Variants in GRM8 observed in about 807,000 individuals in gnomAD.
The protein encoded by GRM8 is glutamate metabotropic receptor 8.
In GRM8, 47 loss-of-function variants were observed where a neutral mutation model predicts 87.2. That is an observed-to-expected ratio of 0.54 (90% confidence interval 0.43 to 0.69). The LOEUF (loss-of-function observed/expected upper bound fraction) is 0.69. GRM8 is among the 30% of genes least tolerant of loss of function. The pLI, the probability that GRM8 is intolerant of heterozygous loss-of-function variation, is 0.00. For missense variants in GRM8, 1,019 were observed against 1,139.2 expected (o/e 0.89, Z 1.52); for synonymous variants, 396 against 404.5 (o/e 0.98, Z 0.25).
chr7:126,990,294 C>T (rs1812523226), intron 3 of GRM8, among the ~76,000 whole-genome samples: 1 of 151,182 alleles, frequency 6.6e-6, no homozygotes, highest in African/African-American at 2.4e-5. Context: ...ACAAGCAAAA[C>T]CCACCAGAGG....
At chr7:126,667,524 T>C (rs2151296659) in intron 7 of GRM8, among the ~76,000 whole-genome samples, 1 of 152,272 alleles carries the variant, frequency 6.6e-6, no homozygotes, top group Admixed American at 6.5e-5. Flanking sequence ...AAACCACAAC[T>C]TCCTAAAGCT....
intron 6 of GRM8, among the ~76,000 whole-genome samples, chr7:126,831,117 G>C (rs1172919022): frequency 1.3e-5 from 2 of 152,280 alleles, no homozygotes; most frequent in Admixed American, 6.5e-5. Flanking sequence ...GCCCCTACTG[G>C]GGGGTGCCTC....
chr7:127,036,518 A>G (rs916673810), intron 3 of GRM8, among the ~76,000 whole-genome samples: 10 of 152,178 alleles, frequency 6.6e-5, no homozygotes, highest in African/African-American at 2.4e-4. Flanking sequence ...TATTGCCCAA[A>G]TACTCAAAAC....
intron 9 of GRM8, among the ~76,000 whole-genome samples, chr7:126,519,874 A>G (rs949166825): frequency 7.2e-5 from 11 of 152,132 alleles, no homozygotes; most frequent in Non-Finnish European, 1.6e-4. Context: ...AGTGAGAAGG[A>G]AAAAAATAGA....
At chr7:126,900,623 C>T (rs1268033029) in intron 6 of GRM8, among the ~76,000 whole-genome samples, 1 of 151,574 alleles carries the variant, frequency 6.6e-6, no homozygotes, top group Non-Finnish European at 1.5e-5. Context: ...AATTCTCCTG[C>T]CTCAGCCTCC....
chr7:127,220,556 C>T (rs1796854611), intron 2 of GRM8, among the ~76,000 whole-genome samples: 1 of 152,104 alleles, frequency 6.6e-6, no homozygotes, highest in Admixed American at 6.5e-5. Flanking sequence ...GCAATCATGG[C>T]TCACTATAGC....
At chr7:126,477,603 GAAAGAAAGAA>G (rs1273976959) in intron 9 of GRM8, among the ~76,000 whole-genome samples, 24 of 108,990 alleles carry the variant, frequency 2.2e-4, no homozygotes, top group African/African-American at 8.8e-4. Context: ...AAGAAAGAAA[GAAAGAAAGAA>G]AGAAAGAAAG....
At chr7:126,588,267 T>C (rs772793544) in intron 8 of GRM8, among the ~76,000 whole-genome samples, 2 of 152,112 alleles carry the variant, frequency 1.3e-5, no homozygotes, top group Admixed American at 1.3e-4. Flanking sequence ...CAGTAAGAGT[T>C]TGGTTCTAGT....
At position 126,785,988 on chromosome 7, in the gene GRM8, T is replaced by C. The variant is rs1340556775; in HGVS notation, c.1157-15923A>G. ...ACATACTCCACCACATTTTGACTTTTAATTTTACCAGTCTTTTGAGGTTTT... is the reference window on the plus strand; with the variant it reads ...ACATACTCCACCACATTTTGACTTTCAATTTTACCAGTCTTTTGAGGTTTT... On this transcript the variant is annotated intron_variant, in intron 6 of 10. Coordinates refer to ENST00000339582, the MANE Select transcript of GRM8 (RefSeq NM_000845.3). 3.3e-5 allele frequency among the ~76,000 whole-genome samples: 5 copies of C among 152,296 alleles called. No individual in the cohort carries two copies. The East Asian group carries it at 9.6e-4, about 29-fold the overall frequency.
chr7:126,903,625 ATG>A (rs1563300251), intron 5 of GRM8, among the ~76,000 whole-genome samples: 7 of 138,674 alleles, frequency 5.0e-5, no homozygotes, highest in African/African-American at 1.0e-4. Context: ...ACATATATAT[ATG>A]TATATGTGTA....
At chr7:127,083,977 A>C (rs1166385575) in intron 3 of GRM8, among the ~76,000 whole-genome samples, 1 of 152,196 alleles carries the variant, frequency 6.6e-6, no homozygotes, top group African/African-American at 2.4e-5. Flanking sequence ...ACCCGGAAAT[A>C]TGAGAACAAG....
chr7:126,806,739 A>G (rs545315007), intron 6 of GRM8, among the ~76,000 whole-genome samples: 1,716 of 152,352 alleles, frequency 0.011, 35 homozygotes, highest in African/African-American at 0.039. Context: ...CCACTCTGGC[A>G]GCCCAGAGGG....
At chr7:127,192,916 C>T (rs1253584439) in intron 2 of GRM8, among the ~76,000 whole-genome samples, 2 of 152,220 alleles carry the variant, frequency 1.3e-5, no homozygotes, top group East Asian at 3.9e-4. Flanking sequence ...TCTCATGTTT[C>T]CCACCTTCAA....
chr7:126,752,377 C>T (rs915510161), intron 7 of GRM8, among the ~76,000 whole-genome samples: 2 of 152,104 alleles, frequency 1.3e-5, no homozygotes, highest in African/African-American at 2.4e-5. Context: ...CTATGCTATA[C>T]TTTCCAGAAG....
At chr7:127,093,031 C>G (rs566872695) in intron 3 of GRM8, among the ~76,000 whole-genome samples, 1 of 152,186 alleles carries the variant, frequency 6.6e-6, no homozygotes, top group East Asian at 1.9e-4. Context: ...TGACCCCTAC[C>G]CTCAGCATGC....
chr7:127,153,075 G>A (rs960179648), intron 2 of GRM8, among the ~76,000 whole-genome samples: 1 of 152,022 alleles, frequency 6.6e-6, no homozygotes, highest in African/African-American at 2.4e-5. Context: ...TTACTTAAAG[G>A]GCATATTACA....
At chr7:126,651,576 T>G (rs1440525388) in intron 7 of GRM8, among the ~76,000 whole-genome samples, 1 of 152,160 alleles carries the variant, frequency 6.6e-6, no homozygotes, top group Non-Finnish European at 1.5e-5. Context: ...TCTGCTCGCC[T>G]AGAGGTCTTA....
At position 126,613,162 on chromosome 7, in the gene GRM8, G is replaced by A. The variant is rs561253530; in HGVS notation, c.1358-3664C>T. On this transcript the variant is annotated intron_variant, in intron 7 of 10. Transcript: ENST00000339582. ...CTCTGGTCAATGTAGAAAGAGCATC[G>A]TTGAGTAGCCATAAGGAACTAACTC... 9.9e-5 allele frequency among the ~76,000 whole-genome samples: 15 copies of A among 152,180 alleles called. No homozygotes were observed. In the South Asian group the frequency reaches 1.0e-3, roughly 11 times the overall value.
chr7:126,970,153 G>A (rs902654054), intron 3 of GRM8, among the ~76,000 whole-genome samples: 1 of 152,136 alleles, frequency 6.6e-6, no homozygotes, highest in African/African-American at 2.4e-5. Context: ...GGGTTTTCAA[G>A]ATGGTAAATG....
Sources: gnomAD v4.1 joint callset for allele counts (sites outside exome capture counted in the v4.1 genomes callset) on GRCh38, gnomAD v4.1.1 for gene constraint, MANE v1.5 for transcripts, NCBI Gene and HGNC (gene_info 2026-07-23, HGNC 2026-07-21) for gene names.